The following DGKB variants were observed in gnomAD, a reference collection of about 807,000 sequenced individuals.
The protein encoded by DGKB is 90 kDa diacylglycerol kinase.
Under a neutral mutation model 114.3 loss-of-function variants are expected in DGKB, and 67 were observed. That is an observed-to-expected ratio of 0.59 (90% CI 0.48 to 0.72). DGKB has a LOEUF of 0.72. Among genes scored for constraint, DGKB ranks in the 30% least tolerant of loss-of-function variants. The pLI, the probability that DGKB is intolerant of heterozygous loss-of-function variation, is 0.00. For missense variants in DGKB, 907 were observed against 975.2 expected (o/e 0.93, Z 0.93); for synonymous variants, 398 against 323.1 (o/e 1.23, Z -2.49).
At chr7:14,906,284 T>C (rs1783699479), upstream of DGKB, among the ~76,000 whole-genome samples, 1 of 151,932 alleles carries the variant, frequency 6.6e-6, no homozygotes, top group Admixed American at 6.6e-5. Context: ...ATGTTGGCCT[T>C]ATATCAAGGA....
chr7:14,973,527 G>GTTTTTTTTTTTTTTT (rs11300261), intron 1 of DGKB, among the ~76,000 whole-genome samples: 14 of 137,266 alleles, frequency 1.0e-4, no homozygotes, highest in Non-Finnish European at 1.6e-4. Context: ...TTGTTTTTTT[G>GTTTTTTTTTTTTTTT]TTTTTTTTTT....
At chr7:14,578,970 C>G (rs574150736) in intron 19 of DGKB, among the ~76,000 whole-genome samples, 1 of 152,154 alleles carries the variant, frequency 6.6e-6, no homozygotes, top group African/African-American at 2.4e-5. Flanking sequence ...CTTCAGCAAC[C>G]CCACCTGCAT....
At chr7:14,698,766 G>C (rs1012694360) in intron 7 of DGKB, among the ~76,000 whole-genome samples, 2 of 152,086 alleles carry the variant, frequency 1.3e-5, no homozygotes, top group Non-Finnish European at 2.9e-5. Context: ...TTGAAGAATT[G>C]CAAGTTAATA....
At chr7:14,675,863 C>T (rs1262819989) in intron 12 of DGKB, among the ~76,000 whole-genome samples, 1 of 152,018 alleles carries the variant, frequency 6.6e-6, no homozygotes, top group African/African-American at 2.4e-5. Flanking sequence ...TAACCATCAA[C>T]ATTATGACGT....
chr7:14,844,526 C>A (rs577188237), intron 1 of DGKB, among the ~76,000 whole-genome samples: 3 of 152,278 alleles, frequency 2.0e-5, no homozygotes, highest in African/African-American at 7.2e-5. Context: ...TACAAAAAAA[C>A]CCAGAAACCT....
chr7:14,832,717 C>G (rs1038030943), intron 2 of DGKB, among the ~76,000 whole-genome samples: 4 of 151,988 alleles, frequency 2.6e-5, no homozygotes, highest in Non-Finnish European at 5.9e-5. Flanking sequence ...GAGATCTCAT[C>G]TTCCAACTGT....
intron 21 of DGKB, among the ~76,000 whole-genome samples, chr7:14,350,095 G>A (rs759430113): frequency 6.6e-6 from 1 of 152,050 alleles, no homozygotes; most frequent in Non-Finnish European, 1.5e-5. Flanking sequence ...AAAGTGCTTG[G>A]CTACCAGATA....
chr7:14,192,328 G>A (rs759456311), intron 23 of DGKB, among the ~76,000 whole-genome samples: 1 of 151,930 alleles, frequency 6.6e-6, no homozygotes, highest in Non-Finnish European at 1.5e-5. Context: ...TAGTGAACTC[G>A]CTGAAAAAGA....
chr7:14,906,710 C>G (rs185810123), upstream of DGKB, among the ~76,000 whole-genome samples: 532 of 152,244 alleles, frequency 3.5e-3, 9 homozygotes, highest in Admixed American at 0.025. Flanking sequence ...GTTGGCCTCC[C>G]AAAGTGCTGG....
chr7:14,198,946 T>G (rs1025706913), intron 23 of DGKB, among the ~76,000 whole-genome samples: 1 of 152,084 alleles, frequency 6.6e-6, no homozygotes, highest in Non-Finnish European at 1.5e-5. Flanking sequence ...GGTACTAAAC[T>G]GAAATATGTC....
intron 21 of DGKB, among the ~76,000 whole-genome samples, chr7:14,462,955 G>T (rs1833302300): frequency 1.3e-5 from 2 of 152,060 alleles, no homozygotes; most frequent in Non-Finnish European, 2.9e-5. Flanking sequence ...ACAACCATCT[G>T]ATCTTTGACA....
chr7:14,516,182 A>T (rs955451893), intron 20 of DGKB, among the ~76,000 whole-genome samples: 8 of 152,210 alleles, frequency 5.3e-5, no homozygotes, highest in Non-Finnish European at 8.8e-5. Context: ...TCATATCTCA[A>T]GTAAACTAAA....
chr7:14,188,251 G>C (rs887115072), intron 23 of DGKB, among the ~76,000 whole-genome samples: 3 of 152,154 alleles, frequency 2.0e-5, no homozygotes, highest in African/African-American at 7.2e-5. Flanking sequence ...TCTCATAATA[G>C]GAGTGTCAGA....
intron 1 of DGKB, among the ~76,000 whole-genome samples, chr7:14,971,443 A>G (rs1787462157): frequency 6.6e-6 from 1 of 152,134 alleles, no homozygotes; most frequent in Non-Finnish European, 1.5e-5. Context: ...TAGCCACAAG[A>G]TAGCTGTCTG....
intron 13 of DGKB, among the ~76,000 whole-genome samples, chr7:14,659,340 G>A (rs991009729): frequency 1.1e-4 from 16 of 152,120 alleles, no homozygotes; most frequent in African/African-American, 2.4e-4. Flanking sequence ...CAATTTTCAC[G>A]ATATTGATTC....
intron 21 of DGKB, among the ~76,000 whole-genome samples, chr7:14,346,379 C>G (rs1039475669): frequency 9.9e-5 from 15 of 151,838 alleles, no homozygotes; most frequent in Admixed American, 3.3e-4. Context: ...GCAGAGTTCT[C>G]TGATATAAAA....
chr7:14,203,068 TA>T (rs1786148776), intron 23 of DGKB, among the ~76,000 whole-genome samples: 1 of 141,090 alleles, frequency 7.1e-6, no homozygotes, highest in East Asian at 2.1e-4. Context: ...GTCAACATTT[TA>T]AAAAAAGGTG....
At chr7:14,266,081 G>A (rs1017077391) in intron 23 of DGKB, among the ~76,000 whole-genome samples, 4 of 152,102 alleles carry the variant, frequency 2.6e-5, no homozygotes, top group African/African-American at 9.7e-5. Context: ...TTCTGTGGCG[G>A]CCTGTTCCCT....
Position 14,682,604 on chromosome 7 carries a change from AAC to A in DGKB, c.982_983del (p.Val328Ter). 6.2e-7 allele frequency: 1 copy of A among 1,613,628 alleles called. No individual in the cohort carries two copies. Among genetic ancestry groups the A allele is most frequent in the Non-Finnish European group, 8.5e-7 (1 of 1,179,612 alleles). On this transcript the variant is annotated frameshift_variant, in exon 12 of 26. Transcript: ENST00000402815. LOFTEE classifies it high-confidence loss of function. ...PTKCDKCHKTVKCYQGLTGLH... is the reference protein window; with the variant it reads ...PTKCDKCHKTXKCYQGLTGLH... ...GTCCTGTCAGGCCCTGGTAACATTT[AAC>A]AGTTTTGTGGCACTTATCACACTTG...
Sources: allele counts gnomAD v4.1 joint callset (sites outside exome capture counted in the v4.1 genomes callset), GRCh38; gene constraint gnomAD v4.1.1; transcripts MANE v1.5; gene names NCBI Gene and HGNC (gene_info 2026-07-23, HGNC 2026-07-21).